The following BRINP3 variants were observed in gnomAD, a reference collection of about 807,000 sequenced individuals.
BRINP3 encodes the protein BMP/retinoic acid-inducible neural-specific protein 3.
BRINP3 carries 19 observed loss-of-function variants against 71.0 expected under a neutral mutation model. The observed-to-expected ratio is 0.27, with a 90% CI of 0.19 to 0.39. The LOEUF (loss-of-function observed/expected upper bound fraction) is 0.39, where lower values mean the gene tolerates loss of function less well. Among genes scored for constraint, BRINP3 ranks in the 10% least tolerant of loss-of-function variants. The pLI is 1.00. For synonymous variants in BRINP3, 380 were observed against 337.7 expected, an observed-to-expected ratio of 1.13 and a Z score of -1.37; for missense variants, 959 against 940.8, an observed-to-expected ratio of 1.02 and a Z score of -0.25.
At chr1:190,419,299 G>C (rs888867260) in intron 2 of BRINP3, among the ~76,000 whole-genome samples, 1 of 151,934 alleles carries the variant, frequency 6.6e-6, no homozygotes, top group African/African-American at 2.4e-5. Flanking sequence ...ATTGAATTAA[G>C]AGTTAAGAAA....
intron 2 of BRINP3, among the ~76,000 whole-genome samples, chr1:190,354,651 C>T (rs578041721): frequency 1.1e-3 from 162 of 151,914 alleles, no homozygotes; most frequent in Admixed American, 1.8e-3. Flanking sequence ...GATTAATTGC[C>T]ACCCTTTGTA....
chr1:190,122,980 TGTTGGGACAGACA>T lies in BRINP3; in HGVS notation c.1185-23859_1185-23847del, dbSNP rs1320418600. Among the ~76,000 whole-genome samples the T allele has an allele frequency of 4.0e-5, 6 of 151,164 alleles. No individual in the cohort carries two copies. In the South Asian group the frequency reaches 1.2e-3, roughly 31 times the overall value. On this transcript the variant is annotated intron_variant, in intron 7 of 7. Transcript: ENST00000367462. ...TGGGATCACTTTTGAATTATCCTTC[TGTTGGGACAGACA>T]GTTGCAACCAGACTTGAACTTTCTA...
chr1:190,446,382 A>G (rs1675220718), intron 2 of BRINP3, among the ~76,000 whole-genome samples: 1 of 152,186 alleles, frequency 6.6e-6, no homozygotes, highest in South Asian at 2.1e-4. Flanking sequence ...TAGTAAACCA[A>G]CCAACTAGGG....
intron 2 of BRINP3, among the ~76,000 whole-genome samples, chr1:190,410,945 A>G (rs1258053456): frequency 1.3e-5 from 2 of 152,148 alleles, no homozygotes; most frequent in Non-Finnish European, 2.9e-5. Flanking sequence ...AGTTTTTTAA[A>G]AGAAACTTGA....
rs1651383977 is a variant in BRINP3 at position 190,098,370 on chromosome 1, T to C, written c.1949A>G (p.Glu650Gly). The C allele has an allele frequency of 2.5e-6, 4 of 1,614,078 alleles. No individual in the cohort carries two copies. In the South Asian group the frequency reaches 4.4e-5, roughly 18 times the overall value. The change falls in exon 8 of 8, where the codon GAG (glutamate) becomes GGG (glycine). Residue 650 changes from glutamate to glycine, a missense_variant. By Grantham distance (98) the Glu-to-Gly change is moderately conservative. Coordinates refer to ENST00000367462, the MANE Select transcript of BRINP3 (RefSeq NM_199051.3). ...CAGGTTCCGGGAAGGGTCAATAAAC[T>C]CCAGAGGTTCATAGTAAATGCTCTC... Reference protein sequence around the residue: ...GNESIYYEPLEFIDPSRNLGY... With the variant: ...GNESIYYEPLGFIDPSRNLGY...
intron 4 of BRINP3, among the ~76,000 whole-genome samples, chr1:190,239,986 ATT>A (rs777864714): frequency 6.7e-6 from 1 of 148,872 alleles, no homozygotes; most frequent in Admixed American, 6.7e-5. Context: ...AGAATACGTC[ATT>A]TTTTTTTTAT....
At chr1:190,345,906 C>G (rs1219273256) in intron 2 of BRINP3, among the ~76,000 whole-genome samples, 1 of 151,732 alleles carries the variant, frequency 6.6e-6, no homozygotes, top group Non-Finnish European at 1.5e-5. Context: ...GATGCATCCT[C>G]TCTGTAAATG....
At chr1:190,315,291 G>C (rs888222844) in intron 2 of BRINP3, among the ~76,000 whole-genome samples, 2 of 152,088 alleles carry the variant, frequency 1.3e-5, no homozygotes, top group Non-Finnish European at 2.9e-5. Context: ...ACAGCCCCCA[G>C]AGTCCAAATT....
intron 2 of BRINP3, among the ~76,000 whole-genome samples, chr1:190,419,989 C>A (rs180925506): frequency 6.6e-6 from 1 of 151,790 alleles, no homozygotes; most frequent in Non-Finnish European, 1.5e-5. Flanking sequence ...TGTTTGCAAG[C>A]AAGCCAAATT....
chr1:190,117,339 G>A (rs1050197620), intron 7 of BRINP3, among the ~76,000 whole-genome samples: 28 of 151,896 alleles, frequency 1.8e-4, no homozygotes, highest in African/African-American at 6.8e-4. Flanking sequence ...AACCTGAAAA[G>A]ACACAATGGC....
At chr1:190,374,301 TCTGA>T (rs1276663150) in intron 2 of BRINP3, among the ~76,000 whole-genome samples, 2 of 152,154 alleles carry the variant, frequency 1.3e-5, no homozygotes, top group Non-Finnish European at 2.9e-5. Context: ...TGTCTGTCTC[TCTGA>T]CTATCTGTCT....
intron 6 of BRINP3, among the ~76,000 whole-genome samples, chr1:190,172,086 C>A (rs1424811190): frequency 6.7e-6 from 1 of 150,262 alleles, no homozygotes; most frequent in East Asian, 1.9e-4. Flanking sequence ...GGTGACAGAG[C>A]AAGATCTTAT....
intron 2 of BRINP3, among the ~76,000 whole-genome samples, chr1:190,298,345 T>G (rs1664409790): frequency 3.9e-5 from 6 of 152,112 alleles, no homozygotes; most frequent in Admixed American, 3.9e-4. Context: ...CATTGATTTT[T>G]GCTATTATCT....
intron 6 of BRINP3, among the ~76,000 whole-genome samples, chr1:190,211,186 C>T (rs537584481): frequency 1.9e-4 from 29 of 152,112 alleles, no homozygotes; most frequent in South Asian, 2.1e-4. Flanking sequence ...CAAAAAACTG[C>T]CTTTAAGAGG....
chr1:190,183,914 C>G (rs766236898), intron 6 of BRINP3, among the ~76,000 whole-genome samples: 1 of 152,052 alleles, frequency 6.6e-6, no homozygotes, highest in Non-Finnish European at 1.5e-5. Flanking sequence ...TGGTGTTTGG[C>G]AGGAGCAGGA....
intron 7 of BRINP3, among the ~76,000 whole-genome samples, chr1:190,101,545 A>T (rs1414014464): frequency 6.6e-6 from 1 of 151,704 alleles, no homozygotes; most frequent in African/African-American, 2.4e-5. Flanking sequence ...TTCCTCCTTT[A>T]TGCCTTCCTT....
At chr1:190,377,736 G>T (rs2102228410) in intron 2 of BRINP3, among the ~76,000 whole-genome samples, 1 of 151,544 alleles carries the variant, frequency 6.6e-6, no homozygotes, top group South Asian at 2.1e-4. Flanking sequence ...TTATACAGTA[G>T]CAATGAAAAA....
intron 6 of BRINP3, among the ~76,000 whole-genome samples, chr1:190,192,300 T>A (rs1654100733): frequency 6.6e-6 from 1 of 152,186 alleles, no homozygotes; most frequent in African/African-American, 2.4e-5. Context: ...TTTCAAATGA[T>A]AATTTTAGAT....
intron 2 of BRINP3, among the ~76,000 whole-genome samples, chr1:190,308,241 A>T (rs1244306674): frequency 2.0e-5 from 3 of 151,920 alleles, no homozygotes. Context: ...CCTAAACATA[A>T]TTTTGCTTTT....
Sources: allele counts gnomAD v4.1 joint callset (sites outside exome capture counted in the v4.1 genomes callset), GRCh38; gene constraint gnomAD v4.1.1; transcripts MANE v1.5; gene names NCBI Gene and HGNC (gene_info 2026-07-23, HGNC 2026-07-21).